Variants in DRC8 observed in about 807,000 individuals in gnomAD.
DRC8 encodes the protein dynein regulatory complex subunit 8, also known as dynein regulatory complex protein 8.
chr1:245,013,607 C>T, the DRC8 span, among the ~76,000 whole-genome samples: 1 of 152,074 alleles, frequency 6.6e-6, no homozygotes, highest in Non-Finnish European at 1.5e-5. Flanking sequence ...TGATTAAATA[C>T]ATTTTGATAA....
chr1:245,029,351 G>A, the DRC8 span, among the ~76,000 whole-genome samples: 2 of 152,332 alleles, frequency 1.3e-5, no homozygotes, highest in South Asian at 2.1e-4. Context: ...AGGCTGGAGT[G>A]CAGTGGCCTG....
At chr1:244,996,814 C>T in the DRC8 span, among the ~76,000 whole-genome samples, 5 of 152,158 alleles carry the variant, frequency 3.3e-5, no homozygotes, top group African/African-American at 4.8e-5. Flanking sequence ...TATATGTGGA[C>T]ACCTCTGCTC....
At chr1:245,112,135 C>A in the DRC8 span, among the ~76,000 whole-genome samples, 1 of 152,246 alleles carries the variant, frequency 6.6e-6, no homozygotes, top group African/African-American at 2.4e-5. Flanking sequence ...CGTGCAATGG[C>A]ACAATTTCCG....
the DRC8 span, among the ~76,000 whole-genome samples, chr1:245,043,710 A>T: frequency 6.6e-6 from 1 of 152,204 alleles, no homozygotes; most frequent in Non-Finnish European, 1.5e-5. Flanking sequence ...TGAGGAGATG[A>T]ACCCGTGCAG....
chr1:244,983,261 C>T, the DRC8 span, among the ~76,000 whole-genome samples: 1 of 152,082 alleles, frequency 6.6e-6, no homozygotes, highest in Non-Finnish European at 1.5e-5. Context: ...TAGGTTTTGT[C>T]TAGGCAGATT....
the DRC8 span, among the ~76,000 whole-genome samples, chr1:245,025,588 C>G: frequency 2.6e-5 from 4 of 152,180 alleles, no homozygotes; most frequent in Non-Finnish European, 5.9e-5. Flanking sequence ...AATCTTTCCC[C>G]TTTCCCAAGC....
the DRC8 span, among the ~76,000 whole-genome samples, chr1:245,031,411 T>C: frequency 2.0e-5 from 3 of 151,992 alleles, no homozygotes; most frequent in Non-Finnish European, 4.4e-5. Flanking sequence ...TGGGTGCTAC[T>C]TCTAGGCCCG....
the DRC8 span, among the ~76,000 whole-genome samples, chr1:245,052,615 A>C: frequency 6.6e-6 from 1 of 152,242 alleles, no homozygotes; most frequent in East Asian, 1.9e-4. Context: ...GCCTGAGGCA[A>C]GGGAGCCTGG....
the DRC8 span, among the ~76,000 whole-genome samples, chr1:245,109,653 A>G: frequency 6.6e-6 from 1 of 152,386 alleles, no homozygotes; most frequent in African/African-American, 2.4e-5. Flanking sequence ...CTATAATAGC[A>G]TATGAGTTGA....
chr1:244,986,330 G>A, the DRC8 span, among the ~76,000 whole-genome samples: 1 of 152,104 alleles, frequency 6.6e-6, no homozygotes, highest in African/African-American at 2.4e-5. Flanking sequence ...AGTAACAGAT[G>A]GAACTGCGAA....
the DRC8 span, among the ~76,000 whole-genome samples, chr1:245,073,826 G>A: frequency 3.3e-5 from 5 of 152,176 alleles, no homozygotes; most frequent in South Asian, 2.1e-4. Context: ...TGACAGGATC[G>A]AATCCCTGCG....
the DRC8 span, among the ~76,000 whole-genome samples, chr1:245,010,504 GA>G: frequency 6.6e-6 from 1 of 152,102 alleles, no homozygotes; most frequent in Non-Finnish European, 1.5e-5. Flanking sequence ...TGCAGAACAG[GA>G]GGCCTGCCAT....
At chr1:245,050,720 G>A in the DRC8 span, among the ~76,000 whole-genome samples, 20 of 152,042 alleles carry the variant, frequency 1.3e-4, 1 homozygote, top group South Asian at 1.0e-3. Context: ...ATTCCTCCAC[G>A]GTGTACTCTA....
chr1:245,038,556 T>G, the DRC8 span, among the ~76,000 whole-genome samples: 1 of 152,160 alleles, frequency 6.6e-6, no homozygotes. Flanking sequence ...TATGGCATAA[T>G]GGATCAATGA....
chr1:245,082,403 G>A, the DRC8 span, among the ~76,000 whole-genome samples: 147,027 of 152,344 alleles, frequency 0.97, 71,133 homozygotes, highest in East Asian at 1. Flanking sequence ...TATAAAGATC[G>A]TAAATCAACA....
At chr1:245,013,786 T>A in the DRC8 span, among the ~76,000 whole-genome samples, 1 of 151,728 alleles carries the variant, frequency 6.6e-6, no homozygotes, top group Non-Finnish European at 1.5e-5. Flanking sequence ...ATCCCAGCAC[T>A]TTGGGAGGCT....
the DRC8 span, among the ~76,000 whole-genome samples, chr1:245,038,471 A>G: frequency 7.7e-6 from 1 of 130,006 alleles, no homozygotes; most frequent in Non-Finnish European, 1.5e-5. Flanking sequence ...CTCCGTCTCA[A>G]AAAAAAAAGT....
At chr1:245,087,337 A>G in the DRC8 span, 5 of 1,591,530 alleles carry the variant, frequency 3.1e-6, no homozygotes, top group African/African-American at 1.4e-5. Context: ...CTATATAACA[A>G]TGATGGTGAT....
chr1:245,071,888 G>A, the DRC8 span, among the ~76,000 whole-genome samples: 1 of 152,200 alleles, frequency 6.6e-6, no homozygotes, highest in Admixed American at 6.5e-5. Context: ...TTACAAGTAT[G>A]TCGTGAAAGA....
Sources: allele counts gnomAD v4.1 joint callset (sites outside exome capture counted in the v4.1 genomes callset), GRCh38; gene constraint gnomAD v4.1.1; transcripts MANE v1.5; gene names NCBI Gene and HGNC (gene_info 2026-07-23, HGNC 2026-07-21).